Variants in MAZ observed in about 807,000 individuals in gnomAD.
MAZ encodes the protein MYC associated zinc finger protein.
A neutral mutation model predicts 32.7 loss-of-function variants in MAZ; 4 were observed. The ratio of observed to expected loss-of-function variants is 0.12; its 90% CI spans 0.06 to 0.28. The LOEUF (loss-of-function observed/expected upper bound fraction) is 0.28, where lower values mean the gene tolerates loss of function less well. MAZ is among the 10% of genes least tolerant of loss of function. The probability of loss-of-function intolerance (pLI) is 1.00; values close to 1 mark genes in which losing one functional copy is unlikely to be tolerated. For synonymous variants in MAZ, 510 were observed against 297.6 expected (o/e 1.71, Z -7.35); for missense variants, 763 against 667.2 (o/e 1.14, Z -1.58).
Position 29,810,518 on chromosome 16 carries a change from C to G in MAZ, c.*287C>G. 1 of 701,522 alleles carries G rather than the reference C, an allele frequency of 1.4e-6. No homozygotes were observed. The highest frequency in any genetic ancestry group is 2.6e-6 in the Non-Finnish European group (1 of 384,706). The allele number at this position is 701,522 out of a possible 1,614,324, so 43.5% of individuals were successfully genotyped here. ...GCAGAGGACACGAGCAGCCACTGCC[C>G]GTACCCCCTCTCCTCTCTGTAAGCC... On this transcript the variant is annotated 3_prime_UTR_variant, in exon 5 of 5. Coordinates refer to ENST00000322945, the MANE Select transcript of MAZ (RefSeq NM_002383.4).
At chr16:29,809,937 G>A in intron 4 of MAZ, 140 bp from the exon 5 acceptor site, 2 of 1,374,550 alleles carry the variant, frequency 1.5e-6, no homozygotes, top group Non-Finnish European at 2.0e-6. Flanking sequence ...GGGTGAGGAT[G>A]CAGGCTGAGG....
Position 29,806,780 on chromosome 16 carries a change from C to T in MAZ, c.79C>T (p.Leu27Phe), listed in dbSNP as rs1356039808. ...CCTGGACTCCCGGGGGGTGGGCGGC[C>T]TCATGAACTCCTTCCCGCCACCTCA... ...LGLDSRGVGG[L>F]MNSFPPPQGH... The change falls in exon 1 of 5, where the codon CTC becomes TTC. Residue 27 changes from leucine to phenylalanine, a missense_variant. Coordinates refer to ENST00000322945, the MANE Select transcript of MAZ (RefSeq NM_002383.4). 9.8e-6 allele frequency: 14 copies of T among 1,435,280 alleles called. No homozygotes were observed. Among genetic ancestry groups the T allele is most frequent in the Admixed American group, 2.8e-5 (1 of 35,890 alleles). 88.9% of individuals were successfully genotyped at this position (1,435,280 alleles called of 1,614,324 possible).
At chr16:29,809,708 C>A in intron 4 of MAZ, 2 of 1,486,852 alleles carry the variant, frequency 1.3e-6, no homozygotes, top group South Asian at 1.3e-5. Flanking sequence ...CCCCCTGTCC[C>A]GGGAGACGCC....
chr16:29,810,209 C>T lies in MAZ; in HGVS notation c.1412C>T (p.Pro471Leu), dbSNP rs1321193669. The T allele has an allele frequency of 1.3e-6, 2 of 1,598,254 alleles. No homozygotes were observed. The highest frequency in any genetic ancestry group is 1.7e-6 in the Non-Finnish European group (2 of 1,172,384). Residue 471 changes from proline (P) to leucine (L), a missense_variant, in exon 5 of 5, where the codon CCA (proline) becomes CTA (leucine). Transcript: ENST00000322945. ...GAGGGGGTGCCTGTGAGCTCTCAGC[C>T]ACTTCCCTCCCAACCCTGGTGAGCT... ...GAEGVPVSSQ[P>L]LPSQPW
rs575020721 is a variant in MAZ at position 29,810,923 on chromosome 16, G to T, written c.*692G>T. Reference sequence around the variant, plus strand: ...AAGAGATGGAGTCTTAGGGGCCAGGGTGAGCGAGGGGTCCAGGGCCTAGAG... The same window carrying T: ...AAGAGATGGAGTCTTAGGGGCCAGGTTGAGCGAGGGGTCCAGGGCCTAGAG... On this transcript the variant is annotated 3_prime_UTR_variant, in exon 5 of 5. Coordinates refer to ENST00000322945, the MANE Select transcript of MAZ (RefSeq NM_002383.4). 5.7e-6 allele frequency: 2 copies of T among 350,168 alleles called. No homozygotes were observed. Among genetic ancestry groups the T allele is most frequent in the Admixed American group, 7.5e-5 (2 of 26,548 alleles). The allele number at this position is 350,168 out of a possible 1,614,324, so 21.7% of individuals were successfully genotyped here.
In MAZ at chr16:29,811,090, C is replaced by G; in HGVS notation, c.*859C>G. On this transcript the variant is annotated 3_prime_UTR_variant, in exon 5 of 5. Transcript: ENST00000322945. Reference sequence around the variant, plus strand: ...TGGCCATGTCATCGTGTTCCTGTGTCCCCTGCATGTACCCCACCCTCCACC... The same window carrying G: ...TGGCCATGTCATCGTGTTCCTGTGTGCCCTGCATGTACCCCACCCTCCACC... 2 of 454,180 alleles carry G rather than the reference C, an allele frequency of 4.4e-6. No homozygotes were observed. Among genetic ancestry groups the G allele is most frequent in the South Asian group, 3.1e-5 (2 of 63,942 alleles). The allele number at this position is 454,180 out of a possible 1,614,324, so 28.1% of individuals were successfully genotyped here.
At chr16:29,809,794 G>C in intron 4 of MAZ, 2 of 1,208,812 alleles carry the variant, frequency 1.7e-6, no homozygotes, top group South Asian at 1.6e-5. Context: ...TGGGGGGCGG[G>C]ATGGGGGGTG....
intron 4 of MAZ, chr16:29,809,519 T>G: frequency 5.9e-5 from 64 of 1,081,538 alleles, no homozygotes; most frequent in Non-Finnish European, 8.0e-5. Flanking sequence ...CCCCGCCCCA[T>G]CCCAATCCAC....
rs1431702439 is a variant in MAZ, at chr16:29,806,850, C to G, written c.149C>G (p.Ser50Cys). The part of the protein sequence containing the change: ...NPLQVGAELQ[S>C]RFFASQGCAQ... ...CTGCAGGTCGGGGCTGAGCTCCAGT[C>G]CCGCTTCTTTGCCTCCCAGGGCTGC... Residue 50 changes from serine (S) to cysteine (C), a missense_variant, in exon 1 of 5, where the codon TCC becomes TGC. By Grantham distance (112) the Ser-to-Cys change is moderately radical. Coordinates refer to ENST00000322945, the MANE Select transcript of MAZ (RefSeq NM_002383.4). The G allele has an allele frequency of 6.9e-7, 1 of 1,454,478 alleles. No individual in the cohort carries two copies. The highest frequency in any genetic ancestry group is 9.1e-7 in the Non-Finnish European group (1 of 1,096,710). 90.1% of individuals were successfully genotyped at this position (1,454,478 alleles called of 1,614,324 possible). A position where few individuals can be genotyped will look rare whatever the true frequency, so the allele number is the denominator to read the frequency against.
Position 29,808,726 on chromosome 16 carries a change from G to C in MAZ, c.1264G>C (p.Glu422Gln), listed in dbSNP as rs759807697. The C allele has an allele frequency of 6.2e-7, 1 of 1,613,728 alleles. No individual in the cohort carries two copies. Residue 422 changes from glutamate to glutamine, a missense_variant, in exon 4 of 5, where the codon GAG (glutamate) becomes CAG (glutamine). Glu to Gln is a conservative substitution (Grantham distance 29). Coordinates refer to ENST00000322945, the MANE Select transcript of MAZ (RefSeq NM_002383.4). ...VHSQGPHHVC[E>Q]LCNKGTGEVC... is the part of the protein sequence containing the mutation. ...CAGCCAGGGTCCTCACCATGTCTGT[G>C]AGCTCTGCAACAAAGGTACATGCCG... is the stretch of plus-strand genomic sequence containing the variant.
At position 29,810,362 on chromosome 16, in the gene MAZ, G is replaced by A. The variant is rs1193454057; in HGVS notation, c.*131G>A. Reference sequence around the variant, plus strand: ...GGAGCCTCCAGAAGGAAAGGAGGAAGAAATGTTTTCTTAGGGGAATTCGCT... The same window carrying A: ...GGAGCCTCCAGAAGGAAAGGAGGAAAAAATGTTTTCTTAGGGGAATTCGCT... On this transcript the variant is annotated 3_prime_UTR_variant, in exon 5 of 5. Coordinates refer to ENST00000322945, the MANE Select transcript of MAZ (RefSeq NM_002383.4). 4 of 981,268 alleles carry A rather than the reference G, an allele frequency of 4.1e-6. No homozygotes were observed. Among genetic ancestry groups the A allele is most frequent in the Non-Finnish European group, 6.3e-6 (4 of 637,628 alleles). 60.8% of individuals were successfully genotyped at this position (981,268 alleles called of 1,614,324 possible).
At chr16:29,808,534 C>G (rs759706749) in intron 3 of MAZ, 36 bp from the exon 4 acceptor site, 3 of 1,457,722 alleles carry the variant, frequency 2.1e-6, no homozygotes, top group Admixed American at 3.8e-5. Context: ...CTTTAACTCT[C>G]CTGTGACACC....
chr16:29,810,108 A>AGCGGCGGCAGCG lies in MAZ; in HGVS notation c.1316_1317insGGCAGCGGCGGC (p.Ala445_Ala448dup), dbSNP rs751657896. 7 of 1,542,884 alleles carry AGCGGCGGCAGCG rather than the reference A, an allele frequency of 4.5e-6. No individual in the cohort carries two copies. The South Asian group carries it at 8.0e-5, about 18-fold the overall frequency. The stretch of plus-strand genomic sequence containing the variant: ...GTGAGGTTTGTCCAATGGCGGCGGC[A>AGCGGCGGCAGCG]GCGGCAGCGGCGGCAGCGGCAGCAG... On this transcript the variant is annotated inframe_insertion, in exon 5 of 5. Coordinates refer to ENST00000322945, the MANE Select transcript of MAZ (RefSeq NM_002383.4).
chr16:29,808,065 G>A, intron 2 of MAZ, 165 bp from the exon 3 acceptor site: 2 of 985,502 alleles, frequency 2.0e-6, no homozygotes, highest in Non-Finnish European at 3.0e-6. Context: ...GGCGGCGGCG[G>A]CAGCGGCTGC....
In MAZ at chr16:29,808,215, C is replaced by A. The variant is rs771181752; in HGVS notation, c.1044-15C>A. 3.7e-6 allele frequency: 6 copies of A among 1,613,394 alleles called. No individual in the cohort carries two copies. Among genetic ancestry groups the A allele is most frequent in the Admixed American group, 3.3e-5 (2 of 60,018 alleles). On this transcript the variant is annotated splice_polypyrimidine_tract_variant and intron_variant, in intron 2 of 4. Coordinates refer to ENST00000322945, the MANE Select transcript of MAZ (RefSeq NM_002383.4). The stretch of plus-strand genomic sequence containing the variant: ...CACCACCTCCGCCCTAACCCCAACC[C>A]CAACGTGTCCCCAGGCCGGATCACC...
rs775316028 is a variant in MAZ, at chr16:29,806,790, C to T, written c.89C>T (p.Ser30Phe). The T allele has an allele frequency of 4.9e-6, 7 of 1,435,586 alleles. No individual in the cohort carries two copies. Among genetic ancestry groups the T allele is most frequent in the Middle Eastern group, 1.9e-4 (1 of 5,366 alleles). The allele number at this position is 1,435,586 out of a possible 1,614,324, so 88.9% of individuals were successfully genotyped here. ...CGGGGGGTGGGCGGCCTCATGAACT[C>T]CTTCCCGCCACCTCAGGGTCACGCC... ...DSRGVGGLMN[S>F]FPPPQGHAQN... Residue 30 changes from serine (S) to phenylalanine (F), a missense_variant, in exon 1 of 5, where the codon TCC becomes TTC. Coordinates refer to ENST00000322945, the MANE Select transcript of MAZ (RefSeq NM_002383.4).
chr16:29,806,603 CAGCCCGGCCGGCCGGGGGCGGCGCCCCG>C lies in MAZ; in HGVS notation c.-91_-64del. 1.0e-6 allele frequency: 1 copy of C among 967,158 alleles called. No individual in the cohort carries two copies. The highest frequency in any genetic ancestry group is 1.2e-6 in the Non-Finnish European group (1 of 819,104). The allele number at this position is 967,158 out of a possible 1,614,324, so 59.9% of individuals were successfully genotyped here. ...CGCGGGCCATGCGTTCGGCGCGGCC[CAGCCCGGCCGGCCGGGGGCGGCGCCCCG>C]AGCCCGGGCCCCGCGCGGCCCGCGC... is the stretch of plus-strand genomic sequence containing the variant. On this transcript the variant is annotated 5_prime_UTR_variant, in exon 1 of 5. An upstream open reading frame in the 5' UTR loses its in-frame stop. Coordinates refer to ENST00000322945, the MANE Select transcript of MAZ (RefSeq NM_002383.4).
chr16:29,809,988 C>CA, intron 4 of MAZ, 89 bp from the exon 5 acceptor site: 2 of 1,538,156 alleles, frequency 1.3e-6, no homozygotes, highest in Non-Finnish European at 1.7e-6. Flanking sequence ...GGCTGTGTCC[C>CA]AGGGGAAGCA....
intron 3 of MAZ, 83 bp downstream of exon 3, chr16:29,808,376 T>C (rs1432344986): frequency 2.9e-6 from 4 of 1,368,438 alleles, no homozygotes; most frequent in Non-Finnish European, 2.1e-6. Context: ...TCAGACCCCC[T>C]TTTTCTCTCT....
Sources: gnomAD v4.1 joint callset for allele counts on GRCh38, gnomAD v4.1.1 for gene constraint, MANE v1.5 for transcripts, NCBI Gene and HGNC (gene_info 2026-07-23, HGNC 2026-07-21) for gene names.